The following UBN2 variants were observed in gnomAD, a reference collection of about 807,000 sequenced individuals.
The protein encoded by UBN2 is ubinuclein-2.
A neutral mutation model predicts 120.2 loss-of-function variants in UBN2; 35 were observed. The ratio of observed to expected loss-of-function variants is 0.29; its 90% CI spans 0.22 to 0.39. The LOEUF (loss-of-function observed/expected upper bound fraction) is 0.39. Ranked by LOEUF, UBN2 falls within the 10% of genes least tolerant of loss-of-function variation. The pLI is 1.00. For synonymous variants in UBN2, 661 were observed against 648.7 expected, an observed-to-expected ratio of 1.02 and a Z score of -0.29; for missense variants, 1,693 against 1,663.2, an observed-to-expected ratio of 1.02 and a Z score of -0.31.
At chr7:139,240,454 A>ATATATATTTTT (rs371717591) in intron 2 of UBN2, among the ~76,000 whole-genome samples, 1 of 123,148 alleles carries the variant, frequency 8.1e-6, no homozygotes, top group African/African-American at 3.2e-5. Flanking sequence ...ATATATATAT[A>ATATATATTTTT]TTTTTTTTTT....
chr7:139,276,925 A>G (rs536565537), intron 12 of UBN2: 459 of 153,906 alleles, frequency 3.0e-3, no homozygotes, highest in Non-Finnish European at 4.5e-3. Context: ...TTAGCCAGGC[A>G]TGGTGTGTGT....
Position 139,284,735 on chromosome 7 carries a change from A to T in UBN2, c.3669+161A>T, listed in dbSNP as rs143384281. 6.1e-3 allele frequency among the ~76,000 whole-genome samples: 935 copies of T among 152,222 alleles called. 4 individuals are homozygous for T. Among genetic ancestry groups the T allele is most frequent in the Admixed American group, 8.8e-3 (135 of 15,292 alleles). On this transcript the variant is annotated intron_variant, in intron 15 of 17. Coordinates refer to ENST00000473989, the MANE Select transcript of UBN2 (RefSeq NM_173569.4). ...TGTTCCTGATGCTGACATCACAGTG[A>T]CAGGCACACTTGTAGTTGAGGTGTT...
At chr7:139,297,674 T>C in intron 17 of UBN2, 113 bp from the exon 18 acceptor site, 1 of 926,674 alleles carries the variant, frequency 1.1e-6, no homozygotes, top group Non-Finnish European at 1.7e-6. Flanking sequence ...GTGATATCTT[T>C]TCAGAGATGT....
rs58552977 is a variant in UBN2 at position 139,298,298 on chromosome 7, G to A, written c.*462G>A. Reference sequence around the variant, plus strand: ...AATAATGATCATGTCTATTTGAATGGACTGTGTAGCAGATTTGCCACAAAA... The same window carrying A: ...AATAATGATCATGTCTATTTGAATGAACTGTGTAGCAGATTTGCCACAAAA... On this transcript the variant is annotated 3_prime_UTR_variant, in exon 18 of 18. Coordinates refer to ENST00000473989, the MANE Select transcript of UBN2 (RefSeq NM_173569.4). 0.08 allele frequency: 13,039 copies of A among 162,722 alleles called. 940 individuals carry two copies. The highest frequency in any genetic ancestry group is 0.21 in the Admixed American group (3,458 of 16,374). The allele number at this position is 162,722 out of a possible 1,614,324, so 10.1% of individuals were successfully genotyped here.
chr7:139,291,990 A>G (rs10954643), intron 15 of UBN2, among the ~76,000 whole-genome samples: 14,148 of 152,228 alleles, frequency 0.093, 1,160 homozygotes, highest in Admixed American at 0.21. Context: ...GGCTCACACT[A>G]TAATTCTAGC....
At chr7:139,319,920 C>CA in the UBN2 span, among the ~76,000 whole-genome samples, 17 of 151,820 alleles carry the variant, frequency 1.1e-4, no homozygotes, top group African/African-American at 3.9e-4. Context: ...ACTAAAAATA[C>CA]AAAAAATTAG....
chr7:139,296,135 T>G (rs1798103304), intron 17 of UBN2, among the ~76,000 whole-genome samples: 1 of 152,202 alleles, frequency 6.6e-6, no homozygotes, highest in East Asian at 1.9e-4. Flanking sequence ...GATTTAAAGC[T>G]TCTAGCTTGG....
intron 2 of UBN2, among the ~76,000 whole-genome samples, chr7:139,239,246 G>A (rs562873451): frequency 3.3e-5 from 5 of 151,842 alleles, no homozygotes; most frequent in Non-Finnish European, 7.4e-5. Context: ...AGTATATTTG[G>A]GGGGGTCATA....
downstream of UBN2, among the ~76,000 whole-genome samples, chr7:139,311,885 G>A (rs1798453362): frequency 6.6e-6 from 1 of 152,202 alleles, no homozygotes; most frequent in African/African-American, 2.4e-5. Context: ...GTAGCGTCAT[G>A]GAGTGATTCC....
chr7:139,272,320 A>G lies in UBN2; in HGVS notation c.1597-2A>G. ...AAACTTCTAGTATGTTTTTCTTTTT[A>G]GGATGATCGTTTAAGAGAACCTCTG... On this transcript the variant is annotated splice_acceptor_variant, in intron 8 of 17. Transcript: ENST00000473989. LOFTEE classifies it high-confidence loss of function. The G allele has an allele frequency of 6.2e-7, 1 of 1,604,044 alleles. No homozygotes were observed. The highest frequency in any genetic ancestry group is 8.5e-7 in the Non-Finnish European group (1 of 1,175,882).
At chr7:139,248,827 C>G (rs1264289317) in intron 2 of UBN2, among the ~76,000 whole-genome samples, 1 of 151,998 alleles carries the variant, frequency 6.6e-6, no homozygotes, top group East Asian at 1.9e-4. Context: ...TACCTCCTAC[C>G]AACCTCTCTC....
chr7:139,247,090 T>G (rs1307679921), intron 2 of UBN2, among the ~76,000 whole-genome samples: 1 of 151,970 alleles, frequency 6.6e-6, no homozygotes, highest in African/African-American at 2.4e-5. Context: ...GTGGGGTTGT[T>G]AGGTCCAATG....
intron 2 of UBN2, among the ~76,000 whole-genome samples, chr7:139,246,462 A>G (rs967091298): frequency 6.6e-6 from 1 of 152,206 alleles, no homozygotes; most frequent in African/African-American, 2.4e-5. Context: ...GTTAGAATGG[A>G]AAGGAAGCTG....
Position 139,252,108 on chromosome 7 carries a change from A to G in UBN2, c.663+51A>G, listed in dbSNP as rs532834232. ...AGCAAATTCATTGTTTGTATGGGAT[A>G]GTAGAAGTCAAGGGTAAAGTAACTT... On this transcript the variant is annotated intron_variant, in intron 3 of 17. Coordinates refer to ENST00000473989, the MANE Select transcript of UBN2 (RefSeq NM_173569.4). The G allele has an allele frequency of 1.2e-5, 18 of 1,493,752 alleles. No individual in the cohort carries two copies. The South Asian group carries it at 2.0e-4, about 17-fold the overall frequency. 92.5% of individuals were successfully genotyped at this position (1,493,752 alleles called of 1,614,324 possible). A position where few individuals can be genotyped will look rare whatever the true frequency, so the allele number is the denominator to read the frequency against.
downstream of UBN2, among the ~76,000 whole-genome samples, chr7:139,309,287 T>C (rs1351782876): frequency 1.3e-5 from 2 of 152,202 alleles, no homozygotes; most frequent in Non-Finnish European, 2.9e-5. Context: ...TTTAAGTGTA[T>C]TTTCAGTGTG....
intron 13 of UBN2, among the ~76,000 whole-genome samples, chr7:139,279,653 G>GA (rs1320206424): frequency 6.6e-6 from 1 of 152,150 alleles, no homozygotes. Flanking sequence ...AAATATGTAA[G>GA]AAAAATTCAT....
chr7:139,268,199 T>A (rs1050404682), intron 7 of UBN2, among the ~76,000 whole-genome samples: 2 of 152,244 alleles, frequency 1.3e-5, no homozygotes, highest in Admixed American at 6.5e-5. Context: ...ATGTCTATCT[T>A]AAAACGAATC....
chr7:139,259,986 C>G (rs1458984611), intron 5 of UBN2, among the ~76,000 whole-genome samples: 1 of 152,154 alleles, frequency 6.6e-6, no homozygotes, highest in East Asian at 1.9e-4. Context: ...CCAGGCTGGT[C>G]TCAAACTCCT....
chr7:139,231,276 G>A lies in UBN2; in HGVS notation c.-209G>A, dbSNP rs920228610. Among the ~76,000 whole-genome samples, 1 of 152,266 alleles carries A rather than the reference G, an allele frequency of 6.6e-6. No individual in the cohort carries two copies. The highest frequency in any genetic ancestry group is 2.4e-5 in the African/African-American group (1 of 41,472). ...GTGGGGGATCCAACATGGCGGCCGC[G>A]GCGACCCTGGCGATGGCGGTGAAGC... On this transcript the variant is annotated 5_prime_UTR_variant, in exon 1 of 18. Coordinates refer to ENST00000473989, the MANE Select transcript of UBN2 (RefSeq NM_173569.4).
Sources: gnomAD v4.1 joint callset for allele counts (sites outside exome capture counted in the v4.1 genomes callset) on GRCh38, gnomAD v4.1.1 for gene constraint, MANE v1.5 for transcripts, NCBI Gene and HGNC (gene_info 2026-07-23, HGNC 2026-07-21) for gene names.